CC2D2A: variants seen among roughly 807,000 people sequenced by gnomAD.
The protein encoded by CC2D2A is coiled-coil and C2 domain containing 2A.
A neutral mutation model predicts 212.9 loss-of-function variants in CC2D2A; 155 were observed. The ratio of observed to expected loss-of-function variants is 0.73; its 90% CI spans 0.64 to 0.83. CC2D2A has a LOEUF of 0.83. Among genes scored for constraint, CC2D2A ranks in the 40% least tolerant of loss-of-function variants. The pLI is 0.00. For synonymous variants in CC2D2A, 667 were observed against 686.5 expected (o/e 0.97, Z 0.44); for missense variants, 1,856 against 1,956.2 (o/e 0.95, Z 0.97).
intron 4 of CC2D2A, among the ~76,000 whole-genome samples, chr4:15,493,422 C>G (rs767636773): frequency 1.3e-5 from 2 of 152,076 alleles, no homozygotes; most frequent in Non-Finnish European, 2.9e-5. Flanking sequence ...GCTGGGACTA[C>G]AGGTGTACAC....
In CC2D2A at chr4:15,559,183, C is replaced by A; in HGVS notation, c.2848C>A (p.Arg950=). The change falls in exon 22 of 37, where the codon CGA becomes AGA. Residue 950 remains arginine, a synonymous_variant. Coordinates refer to ENST00000424120, the MANE Select transcript of CC2D2A (RefSeq NM_001378615.1). ...KVFQDYEKRL[R]DRNVIETKEH... ...ATTTTAGGACTATGAGAAACGGTTA[C>A]GAGACAGAAATGTAATAGAAACCAA... is the stretch of plus-strand genomic sequence containing the variant. The A allele has an allele frequency of 6.5e-7, 1 of 1,549,858 alleles. No homozygotes were observed. The highest frequency in any genetic ancestry group is 2.0e-5 in the Admixed American group (1 of 50,590).
chr4:15,565,398 G>T (rs888755838), intron 24 of CC2D2A, among the ~76,000 whole-genome samples: 2 of 102,592 alleles, frequency 1.9e-5, no homozygotes, highest in Admixed American at 9.9e-5. Flanking sequence ...ATCCACATAC[G>T]GTTTTTTTTT....
At chr4:15,477,162 C>A (rs184066242) in intron 2 of CC2D2A, among the ~76,000 whole-genome samples, 79 of 152,104 alleles carry the variant, frequency 5.2e-4, no homozygotes, top group Non-Finnish European at 1.1e-3. Context: ...ATTAGTCAGG[C>A]GTGGTGAGGC....
chr4:15,574,041 T>C, intron 28 of CC2D2A, 109 bp from the exon 29 acceptor site: 1 of 881,196 alleles, frequency 1.1e-6, no homozygotes, highest in Non-Finnish European at 1.7e-6. Flanking sequence ...TGAATGCCAG[T>C]CTGAGCAATT....
intron 35 of CC2D2A, among the ~76,000 whole-genome samples, chr4:15,598,377 G>A (rs1048682194): frequency 1.3e-5 from 2 of 152,120 alleles, no homozygotes; most frequent in Non-Finnish European, 2.9e-5. Context: ...ATGTACAAGA[G>A]GCTTTAGAAT....
intron 1 of CC2D2A, among the ~76,000 whole-genome samples, chr4:15,472,889 A>G (rs1713932437): frequency 1.3e-5 from 2 of 152,332 alleles, no homozygotes; most frequent in South Asian, 4.1e-4. Context: ...ATTCCCCTGT[A>G]GGGTCAGTGA....
chr4:15,537,513 G>C (rs999136205), intron 15 of CC2D2A, among the ~76,000 whole-genome samples: 1 of 152,188 alleles, frequency 6.6e-6, no homozygotes, highest in Non-Finnish European at 1.5e-5. Context: ...TAATAGATCA[G>C]GTGGGCCTGC....
At chr4:15,535,258 G>C (rs1406685009) in intron 14 of CC2D2A, among the ~76,000 whole-genome samples, 1 of 152,040 alleles carries the variant, frequency 6.6e-6, no homozygotes, top group Non-Finnish European at 1.5e-5. Context: ...AGAAATCCTT[G>C]CCAGATTATT....
At chr4:15,522,845 G>A (rs1019235463) in intron 11 of CC2D2A, among the ~76,000 whole-genome samples, 4 of 152,198 alleles carry the variant, frequency 2.6e-5, no homozygotes, top group South Asian at 4.2e-4. Context: ...CAGGCCCGGC[G>A]CAGTGGCTCA....
intron 2 of CC2D2A, among the ~76,000 whole-genome samples, chr4:15,476,805 A>G (rs908571817): frequency 2.0e-5 from 3 of 152,218 alleles, no homozygotes; most frequent in Admixed American, 6.5e-5. Flanking sequence ...AGCACTGCCC[A>G]CACCAGAGAA....
chr4:15,476,000 G>C (rs774488904), intron 2 of CC2D2A, 29 bp downstream of exon 2: 1 of 1,578,454 alleles, frequency 6.3e-7, no homozygotes, highest in African/African-American at 1.3e-5. Flanking sequence ...GTCCTCTAGG[G>C]ATGTGTTTGT....
intron 29 of CC2D2A, among the ~76,000 whole-genome samples, chr4:15,578,318 C>A (rs1338614506): frequency 6.6e-6 from 1 of 152,168 alleles, no homozygotes; most frequent in African/African-American, 2.4e-5. Context: ...ACTACTCCAA[C>A]TTCTTAGGGT....
chr4:15,470,268 C>G (rs1436288920), intron 1 of CC2D2A, among the ~76,000 whole-genome samples: 3 of 152,148 alleles, frequency 2.0e-5, no homozygotes, highest in Non-Finnish European at 4.4e-5. Context: ...TATCTGGTAT[C>G]TGGTTTGCAG....
intron 35 of CC2D2A, 64 bp from the exon 36 acceptor site, chr4:15,599,465 A>T: frequency 1.9e-6 from 2 of 1,078,966 alleles, no homozygotes; most frequent in South Asian, 1.7e-5. Context: ...ACTACATACT[A>T]CATACATTTT....
chr4:15,506,351 T>A (rs555350269), intron 6 of CC2D2A, among the ~76,000 whole-genome samples: 1 of 152,156 alleles, frequency 6.6e-6, no homozygotes, highest in East Asian at 1.9e-4. Flanking sequence ...ATAAATCACA[T>A]CAATGAAATT....
chr4:15,496,604 A>G (rs1349272526), intron 4 of CC2D2A, among the ~76,000 whole-genome samples: 1 of 152,176 alleles, frequency 6.6e-6, no homozygotes, highest in African/African-American at 2.4e-5. Context: ...TTCTATACCT[A>G]GAAAACCCAT....
At chr4:15,542,145 T>C (rs1718488191) in intron 17 of CC2D2A, among the ~76,000 whole-genome samples, 1 of 152,220 alleles carries the variant, frequency 6.6e-6, no homozygotes, top group Non-Finnish European at 1.5e-5. Context: ...TATGATCTTA[T>C]CTTCATCCTT....
At chr4:15,533,142 C>A in intron 13 of CC2D2A, 51 bp from the exon 14 acceptor site, 1 of 1,483,038 alleles carries the variant, frequency 6.7e-7, no homozygotes, top group Admixed American at 2.6e-5. Flanking sequence ...ATTTCTTTTG[C>A]AAACACACCT....
Position 15,596,188 on chromosome 4 carries a change from C to A in CC2D2A, c.4418C>A (p.Pro1473His). Residue 1473 changes from proline to histidine, a missense_variant, in exon 34 of 37, where the codon CCT (proline) becomes CAT (histidine). This residue lies in a region of CC2D2A where 285 missense variants were observed against 278.4 expected (regional missense o/e 1.02). Transcript: ENST00000424120. ...TTCTTTTCAAGAAGCCTTCCATATC[C>A]TGGCCTTTCCAGTGTTCAGGTATAA... ...KSFFSRSLPY[P>H]GLSSVQPEEL... 3 of 1,542,986 alleles carry A rather than the reference C, an allele frequency of 1.9e-6. No individual in the cohort carries two copies. The highest frequency in any genetic ancestry group is 1.7e-6 in the Non-Finnish European group (2 of 1,143,492).
Sources: gnomAD v4.1 joint callset for allele counts (sites outside exome capture counted in the v4.1 genomes callset) on GRCh38, gnomAD v4.1.1 for gene constraint, gnomAD v4.1.1 regional missense constraint, MANE v1.5 for transcripts, NCBI Gene and HGNC (gene_info 2026-07-23, HGNC 2026-07-21) for gene names.